Variants in PIGN observed in about 807,000 individuals in gnomAD.
PIGN encodes phosphatidylinositol glycan anchor biosynthesis class N, also known as GPI ethanolamine phosphate transferase 1.
A neutral mutation model predicts 125.4 loss-of-function variants in PIGN; 117 were observed. That is an observed-to-expected ratio of 0.93 (90% CI 0.80 to 1.09). The LOEUF (loss-of-function observed/expected upper bound fraction) is 1.09. PIGN is among the 50% of genes least tolerant of loss of function. The probability of loss-of-function intolerance (pLI) is 0.00; values close to 1 mark genes in which losing one functional copy is unlikely to be tolerated. For missense variants in PIGN, 1,075 were observed against 1,094.9 expected (o/e 0.98, Z 0.26); for synonymous variants, 392 against 377.8 (o/e 1.04, Z -0.44).
intron 14 of PIGN, among the ~76,000 whole-genome samples, chr18:62,123,860 G>T (rs888576002): frequency 6.6e-6 from 1 of 151,494 alleles, no homozygotes; most frequent in African/African-American, 2.4e-5. Context: ...GAAGGCCAGA[G>T]AAGAAGAAGA....
chr18:62,027,685 G>T (rs1432845127), intron 23 of PIGN, among the ~76,000 whole-genome samples: 1 of 152,168 alleles, frequency 6.6e-6, no homozygotes, highest in African/African-American at 2.4e-5. Flanking sequence ...GCCCTGAACA[G>T]GTCCTAGTTT....
chr18:62,092,227 T>C (rs534626544), intron 23 of PIGN, among the ~76,000 whole-genome samples: 1 of 152,302 alleles, frequency 6.6e-6, no homozygotes, highest in Middle Eastern at 3.4e-3. Flanking sequence ...AGTGCCACTT[T>C]TGACCTATTA....
rs1460579914 is a variant in PIGN at position 62,045,545 on chromosome 18, G to C, written c.*311C>G. On this transcript the variant is annotated 3_prime_UTR_variant, in exon 31 of 31. Transcript: ENST00000640252. ...GGGTATGTGGGAAGTTGTGCGACTG[G>C]GGACCAGATTGCTGCAGGTGCTCTC... 1 of 224,966 alleles carries C rather than the reference G, an allele frequency of 4.4e-6. No homozygotes were observed. The highest frequency in any genetic ancestry group is 8.9e-6 in the Non-Finnish European group (1 of 112,658). The allele number at this position is 224,966 out of a possible 1,614,324, so 13.9% of individuals were successfully genotyped here.
In PIGN at chr18:62,185,165, T is replaced by G. The variant is rs536910717; in HGVS notation, c.-236+1679A>C. ...ATCATGCCCTTCCCATGCCATTCAC[T>G]AATCCTCCATTCCTGGATTCCAGAA... On this transcript the variant is annotated intron_variant, in intron 1 of 30. Coordinates refer to ENST00000640252, the MANE Select transcript of PIGN (RefSeq NM_176787.5). Among the ~76,000 whole-genome samples the G allele has an allele frequency of 1.3e-3, 200 of 152,326 alleles. 2 individuals are homozygous for G. Among genetic ancestry groups the G allele is most frequent in the African/African-American group, 4.5e-3 (189 of 41,586 alleles).
chr18:62,137,712 C>T lies in PIGN; in HGVS notation c.1172+531G>A, dbSNP rs113933106. 9.9e-3 allele frequency: 1,517 copies of T among 153,188 alleles called. 19 individuals are homozygous for T. The highest frequency in any genetic ancestry group is 0.048 in the East Asian group (253 of 5,226). 9.5% of individuals were successfully genotyped at this position (153,188 alleles called of 1,614,324 possible). ...TCAGCCTCCCAAAGTGCTGGGATTA[C>T]AGGAATGAGCCACTGCGCCCAGCCT... is the stretch of plus-strand genomic sequence containing the variant. On this transcript the variant is annotated intron_variant, in intron 14 of 30. Coordinates refer to ENST00000640252, the MANE Select transcript of PIGN (RefSeq NM_176787.5).
intron 13 of PIGN, 130 bp from the exon 14 acceptor site, chr18:62,138,428 T>C (rs2036013996): frequency 1.6e-6 from 2 of 1,271,486 alleles, no homozygotes; most frequent in South Asian, 3.6e-5. Context: ...TTTATGTTAC[T>C]ATATTGTTTC....
At position 62,149,317 on chromosome 18, in the gene PIGN, C is replaced by T. The variant is rs191949791; in HGVS notation, c.550-979G>A. On this transcript the variant is annotated intron_variant, in intron 7 of 30. Transcript: ENST00000640252. ...TCCTTCTCAAAAGTATAAAATTGCC[C>T]CCTAACTTTCATATACATTCTACTT... Among the ~76,000 whole-genome samples, 16 of 151,966 alleles carry T rather than the reference C, an allele frequency of 1.1e-4. No individual in the cohort carries two copies. In the East Asian group the frequency reaches 3.1e-3, roughly 29 times the overall value.
chr18:62,150,592 A>G (rs1329113480), intron 7 of PIGN, among the ~76,000 whole-genome samples: 1 of 152,206 alleles, frequency 6.6e-6, no homozygotes, highest in Non-Finnish European at 1.5e-5. Context: ...AGACTGTATG[A>G]TTCCAGTTAT....
Position 62,167,695 on chromosome 18 carries a change from T to TA in PIGN, c.-235-4040_-235-4039insT, listed in dbSNP as rs2037200821. Among the ~76,000 whole-genome samples the TA allele has an allele frequency of 2.5e-5, 3 of 122,248 alleles. No homozygotes were observed. The South Asian group carries it at 8.1e-4, about 33-fold the overall frequency. 80.2% of individuals were successfully genotyped at this position (122,248 alleles called of 152,430 possible). A position where few individuals can be genotyped will look rare whatever the true frequency, so the allele number is the denominator to read the frequency against. The stretch of plus-strand genomic sequence containing the variant: ...CCATAACACACTCTCTCTCTCTCTC[T>TA]CTACATATATATATATATACACACA... On this transcript the variant is annotated intron_variant, in intron 1 of 30. Transcript: ENST00000640252.
intron 7 of PIGN, among the ~76,000 whole-genome samples, chr18:62,150,890 C>G (rs1181954450): frequency 6.6e-6 from 1 of 151,986 alleles, no homozygotes; most frequent in Non-Finnish European, 1.5e-5. Flanking sequence ...TTAGTAGAGA[C>G]AGGGTTTCAC....
At chr18:62,020,083 A>T (rs2030034922) in intron 23 of PIGN, among the ~76,000 whole-genome samples, 1 of 152,084 alleles carries the variant, frequency 6.6e-6, no homozygotes, top group African/African-American at 2.4e-5. Context: ...ATACCAAGCT[A>T]CTCCTTTGTA....
chr18:62,098,438 A>T (rs2034299746), intron 22 of PIGN, among the ~76,000 whole-genome samples: 1 of 152,234 alleles, frequency 6.6e-6, no homozygotes, highest in Non-Finnish European at 1.5e-5. Context: ...AAATAAAAAA[A>T]TAAAAAGCAA....
intron 8 of PIGN, among the ~76,000 whole-genome samples, chr18:62,147,451 T>C (rs2036375896): frequency 2.0e-5 from 3 of 152,214 alleles, no homozygotes; most frequent in Admixed American, 6.5e-5. Context: ...ATTTCAAGTA[T>C]AGAATATTTT....
In PIGN at chr18:62,157,798, T is replaced by A; in HGVS notation, c.232A>T (p.Met78Leu). 1 of 1,610,752 alleles carries A rather than the reference T, an allele frequency of 6.2e-7. No individual in the cohort carries two copies. Among genetic ancestry groups the A allele is most frequent in the Non-Finnish European group, 8.5e-7 (1 of 1,177,990 alleles). Residue 78 changes from methionine (M) to leucine (L), a missense_variant, in exon 5 of 31, where the codon ATG becomes TTG. Transcript: ENST00000640252. ...GATATGCCCCAGCTGCCTTCATGCA[T>A]TATGATATTCCTAAAAGATATTAAA... ...SRAPFIRNII[M>L]HEGSWGISHT...
intron 23 of PIGN, among the ~76,000 whole-genome samples, chr18:62,027,398 G>A (rs997061206): frequency 6.6e-6 from 1 of 152,146 alleles, no homozygotes; most frequent in Non-Finnish European, 1.5e-5. Context: ...TGTGCCCAAG[G>A]TGGTCAAAAC....
At chr18:62,087,673 T>C (rs1172603711) in intron 25 of PIGN, among the ~76,000 whole-genome samples, 1 of 152,158 alleles carries the variant, frequency 6.6e-6, no homozygotes, top group Non-Finnish European at 1.5e-5. Flanking sequence ...GATGGAATAT[T>C]TATTTCCTGT....
intron 16 of PIGN, among the ~76,000 whole-genome samples, chr18:62,110,619 A>G (rs2034838243): frequency 6.6e-6 from 1 of 152,050 alleles, no homozygotes; most frequent in Non-Finnish European, 1.5e-5. Flanking sequence ...TAAGAGCAAA[A>G]CTAAGGGTTC....
At chr18:62,136,950 T>C (rs1023498322) in intron 14 of PIGN, 3 of 394,084 alleles carry the variant, frequency 7.6e-6, no homozygotes, top group Non-Finnish European at 1.3e-5. Flanking sequence ...CTTTGCCTAC[T>C]GTGATGGTTA....
chr18:62,089,551 C>A (rs1455329769), intron 24 of PIGN, among the ~76,000 whole-genome samples: 1 of 152,150 alleles, frequency 6.6e-6, no homozygotes, highest in Non-Finnish European at 1.5e-5. Context: ...CAATAATCCT[C>A]AGCCTGACAA....
Sources: allele counts gnomAD v4.1 joint callset (sites outside exome capture counted in the v4.1 genomes callset), GRCh38; gene constraint gnomAD v4.1.1; transcripts MANE v1.5; gene names NCBI Gene and HGNC (gene_info 2026-07-23, HGNC 2026-07-21).